Variants in RGS3 observed in about 807,000 individuals in gnomAD.
RGS3 encodes the protein regulator of G protein signaling 3.
Under a neutral mutation model 132.6 loss-of-function variants are expected in RGS3, and 80 were observed. The ratio of observed to expected loss-of-function variants is 0.60; its 90% CI spans 0.50 to 0.73. RGS3 has a LOEUF of 0.73. Ranked by LOEUF, RGS3 falls within the 30% of genes least tolerant of loss-of-function variation. The pLI is 0.00. For missense variants in RGS3, 1,382 were observed against 1,530.8 expected, an observed-to-expected ratio of 0.90 and a Z score of 1.62; for synonymous variants, 598 against 620.6, an observed-to-expected ratio of 0.96 and a Z score of 0.54.
intron 19 of RGS3, among the ~76,000 whole-genome samples, chr9:113,545,159 A>G (rs1272023942): frequency 1.3e-5 from 2 of 152,202 alleles, no homozygotes; most frequent in African/African-American, 4.8e-5. Context: ...TTTGGCATCA[A>G]AAGGATCAGC....
intron 3 of RGS3, among the ~76,000 whole-genome samples, chr9:113,465,890 C>G (rs1057400734): frequency 2.0e-5 from 3 of 152,182 alleles, no homozygotes; most frequent in Admixed American, 6.5e-5. Flanking sequence ...TGCACTGGCT[C>G]TGTTTCCCTG....
At chr9:113,548,759 G>A (rs998884048) in intron 19 of RGS3, among the ~76,000 whole-genome samples, 2 of 152,214 alleles carry the variant, frequency 1.3e-5, no homozygotes, top group African/African-American at 2.4e-5. Flanking sequence ...CCAGAGAGAA[G>A]GGCCCAGTTG....
intron 19 of RGS3, chr9:113,542,026 GCACA>G: frequency 1.6e-5 from 3 of 184,424 alleles, no homozygotes; most frequent in Non-Finnish European, 3.1e-5. Context: ...ACACACACGT[GCACA>G]CACGTGATGG....
At chr9:113,509,321 A>G (rs902600231) in intron 14 of RGS3, among the ~76,000 whole-genome samples, 8 of 151,724 alleles carry the variant, frequency 5.3e-5, no homozygotes, top group Admixed American at 1.3e-4. Context: ...GCTGAGCCTC[A>G]GTTTCTTCAT....
chr9:113,553,529 A>G (rs953293270), intron 19 of RGS3, among the ~76,000 whole-genome samples: 1 of 137,668 alleles, frequency 7.3e-6, no homozygotes, highest in African/African-American at 2.7e-5. Context: ...TTATAGAAAT[A>G]TATATTATAT....
intron 19 of RGS3, among the ~76,000 whole-genome samples, chr9:113,560,439 C>T (rs893922021): frequency 6.6e-6 from 1 of 152,188 alleles, no homozygotes; most frequent in South Asian, 2.1e-4. Flanking sequence ...GAGAATGTGT[C>T]CCCTGCCCAG....
chr9:113,459,585 A>T (rs1202695535), upstream of RGS3, among the ~76,000 whole-genome samples: 2 of 152,150 alleles, frequency 1.3e-5, no homozygotes, highest in Admixed American at 6.5e-5. Flanking sequence ...ACCTGTCTCT[A>T]CTAAAAATAC....
rs546980364 is a variant in RGS3, at chr9:113,523,136, T to C, written c.1870+95T>C. The C allele has an allele frequency of 1.2e-5, 10 of 801,838 alleles. No homozygotes were observed. In the African/African-American group the frequency reaches 1.3e-4, roughly 11 times the overall value. 49.7% of individuals were successfully genotyped at this position (801,838 alleles called of 1,614,324 possible). A position where few individuals can be genotyped will look rare whatever the true frequency, so the allele number is the denominator to read the frequency against. On this transcript the variant is annotated intron_variant, in intron 17 of 24. Transcript: ENST00000350696. ...CTGGGATCTGGCTGCCAGTCATCCG[T>C]AGGGCACTGGAGTGTGTGCTGCTGG...
intron 7 of RGS3, among the ~76,000 whole-genome samples, chr9:113,491,456 G>A (rs1210809284): frequency 6.6e-6 from 1 of 151,630 alleles, no homozygotes; most frequent in African/African-American, 2.4e-5. Flanking sequence ...TCACCATGTT[G>A]GCCAGGCTGG....
chr9:113,551,844 G>C (rs554724079), intron 19 of RGS3, among the ~76,000 whole-genome samples: 1 of 152,240 alleles, frequency 6.6e-6, no homozygotes, highest in South Asian at 2.1e-4. Context: ...GGGCAACAGA[G>C]TGAGACTCTG....
rs560977452 is a variant in RGS3, at chr9:113,514,462, A to G, written c.1482A>G (p.Ser494=). The G allele has an allele frequency of 2.7e-5, 43 of 1,613,302 alleles. No homozygotes were observed. The South Asian group carries it at 4.4e-4, about 16-fold the overall frequency. ...TCCCCCATCTCTGTTTCACAGAATC[A>G]GGGAGTCCCAGTAAAGGGAAGTCCT... Residue 494 remains serine (S), a synonymous_variant, in exon 15 of 25, where the codon TCA becomes TCG. Transcript: ENST00000350696.
At chr9:113,456,644 C>T (rs1285907472), upstream of RGS3, among the ~76,000 whole-genome samples, 1 of 151,516 alleles carries the variant, frequency 6.6e-6, no homozygotes, top group Admixed American at 6.6e-5. Context: ...CACCCCTAAC[C>T]AATTTGTTTT....
At chr9:113,585,881 A>G (rs760706525) in intron 20 of RGS3, among the ~76,000 whole-genome samples, 4 of 152,230 alleles carry the variant, frequency 2.6e-5, no homozygotes, top group Admixed American at 1.3e-4. Context: ...CTGACAGGGC[A>G]GGCTGGGGCC....
chr9:113,593,349 G>GT (rs1835545670), intron 21 of RGS3: 1 of 152,246 alleles, frequency 6.6e-6, no homozygotes, highest in African/African-American at 2.4e-5. Context: ...CACGTCTTTA[G>GT]TTATGTGATT....
chr9:113,496,212 C>T (rs1373795067), intron 8 of RGS3, among the ~76,000 whole-genome samples: 1 of 152,100 alleles, frequency 6.6e-6, no homozygotes, highest in East Asian at 1.9e-4. Flanking sequence ...TTCCAGGGGT[C>T]CTCTTCATGT....
At position 113,596,764 on chromosome 9, in the gene RGS3, C is replaced by G. The variant is rs1476773471; in HGVS notation, c.3412-4C>G. 1 of 1,605,916 alleles carries G rather than the reference C, an allele frequency of 6.2e-7. No homozygotes were observed. Among genetic ancestry groups the G allele is most frequent in the Non-Finnish European group, 8.5e-7 (1 of 1,176,154 alleles). Reference sequence around the variant, plus strand: ...CCTGACCATGTCCCCCTCTGCCTCCCCAGGTCAACCTGGACTCCTACACGC... The same window carrying G: ...CCTGACCATGTCCCCCTCTGCCTCCGCAGGTCAACCTGGACTCCTACACGC... On this transcript the variant is annotated splice_polypyrimidine_tract_variant and splice_region_variant and intron_variant, in intron 24 of 24. Coordinates refer to ENST00000350696, the Ensembl canonical transcript of RGS3.
At chr9:113,556,655 C>G (rs1833577542) in intron 19 of RGS3, among the ~76,000 whole-genome samples, 1 of 152,114 alleles carries the variant, frequency 6.6e-6, no homozygotes, top group South Asian at 2.1e-4. Context: ...AACCCCAGAG[C>G]CCACCCTGCC....
intron 19 of RGS3, among the ~76,000 whole-genome samples, chr9:113,563,683 A>G (rs1833881787): frequency 6.6e-6 from 1 of 152,224 alleles, no homozygotes; most frequent in South Asian, 2.1e-4. Context: ...CCCAGGGACA[A>G]GATGAAACAC....
intron 19 of RGS3, among the ~76,000 whole-genome samples, chr9:113,572,683 G>A (rs1588271275): frequency 6.6e-6 from 1 of 152,352 alleles, no homozygotes; most frequent in East Asian, 1.9e-4. Context: ...AGGAGACCTG[G>A]CTATGCCTTG....
Sources: allele counts gnomAD v4.1 joint callset (sites outside exome capture counted in the v4.1 genomes callset), GRCh38; gene constraint gnomAD v4.1.1; transcripts MANE v1.5; gene names NCBI Gene and HGNC (gene_info 2026-07-23, HGNC 2026-07-21).